The following CNKSR2 variants were observed in gnomAD, a reference collection of about 807,000 sequenced individuals.
CNKSR2 encodes the protein connector enhancer of kinase suppressor of Ras 2, also known as CNK homolog protein 2.
Under a neutral mutation model 84.4 loss-of-function variants are expected in CNKSR2, and 14 were observed. The observed-to-expected ratio is 0.17, with a 90% CI of 0.11 to 0.26. The LOEUF (loss-of-function observed/expected upper bound fraction) is 0.26. Among genes scored for constraint, CNKSR2 ranks in the 10% least tolerant of loss-of-function variants. The pLI is 1.00. For missense variants in CNKSR2, 485 were observed against 771.2 expected, an observed-to-expected ratio of 0.63 and a Z score of 4.40; for synonymous variants, 275 against 277.9, an observed-to-expected ratio of 0.99 and a Z score of 0.10.
chrX:21,479,316 A>G lies in CNKSR2; in HGVS notation c.561+8509A>G, dbSNP rs187289262. On this transcript the variant is annotated intron_variant, in intron 5 of 21. Transcript: ENST00000379510. ...CACACACAGAGACATATATGTACAC[A>G]CATATATATCACATTTTAATCCAGT... Among the ~76,000 whole-genome samples, 551 of 111,835 alleles carry G rather than the reference A, an allele frequency of 4.9e-3. 4 individuals are homozygous for G. Among genetic ancestry groups the G allele is most frequent in the Non-Finnish European group, 6.1e-3 (326 of 53,129 alleles).
intron 1 of CNKSR2, among the ~76,000 whole-genome samples, chrX:21,392,481 T>A (rs111933689): frequency 0.073 from 8,126 of 111,188 alleles, 746 homozygotes; most frequent in African/African-American, 0.25. Context: ...CCTTACGTGG[T>A]TGGAGAAGGA....
At chrX:21,480,363 T>C (rs1009566278) in intron 5 of CNKSR2, among the ~76,000 whole-genome samples, 2 of 112,313 alleles carry the variant, frequency 1.8e-5, no homozygotes, top group Admixed American at 1.9e-4. Flanking sequence ...TATCTAATTA[T>C]AATGAACTGC....
intron 13 of CNKSR2, among the ~76,000 whole-genome samples, chrX:21,574,096 A>G (rs185925401): frequency 4.9e-4 from 55 of 111,638 alleles, no homozygotes; most frequent in African/African-American, 1.5e-3. Flanking sequence ...AGCAAGAGTC[A>G]CCTTTGCTCC....
intron 11 of CNKSR2, among the ~76,000 whole-genome samples, chrX:21,542,405 T>C (rs1174813559): frequency 1.8e-5 from 2 of 112,237 alleles, no homozygotes; most frequent in Non-Finnish European, 1.9e-5. Flanking sequence ...TGGTAAGACA[T>C]TGTAAATTGC....
intron 1 of CNKSR2, among the ~76,000 whole-genome samples, chrX:21,396,999 A>G (rs1025071041): frequency 3.6e-5 from 4 of 111,647 alleles, no homozygotes; most frequent in Non-Finnish European, 7.6e-5. Flanking sequence ...CTCATTAGAA[A>G]TGTTTGTTTT....
chrX:21,522,098 G>A (rs1236646744), intron 9 of CNKSR2, among the ~76,000 whole-genome samples: 1 of 110,963 alleles, frequency 9.0e-6, no homozygotes, highest in Admixed American at 9.6e-5. Flanking sequence ...TTTCTCTGAA[G>A]CATTTGCTTA....
At chrX:21,383,671 A>G (rs1160114644) in intron 1 of CNKSR2, among the ~76,000 whole-genome samples, 1 of 110,637 alleles carries the variant, frequency 9.0e-6, no homozygotes, top group African/African-American at 3.3e-5. Context: ...ATGTTGCTCA[A>G]TATCTTTTTT....
chrX:21,608,092 A>T (rs1181268638), intron 19 of CNKSR2: 1 of 111,488 alleles, frequency 9.0e-6, no homozygotes, highest in Non-Finnish European at 1.9e-5. Context: ...TGTGAATTTC[A>T]AGAAGAAAAC....
At chrX:21,590,859 AC>A in intron 14 of CNKSR2, 162 bp from the exon 15 acceptor site, 1 of 471,891 alleles carries the variant, frequency 2.1e-6, no homozygotes, top group Admixed American at 4.1e-5. Context: ...GATGTGTGTC[AC>A]TTATGTGAGG....
At chrX:21,495,820 A>C (rs1339109502) in intron 6 of CNKSR2, 17 of 96,826 alleles carry the variant, frequency 1.8e-4, no homozygotes, top group African/African-American at 5.1e-4. Context: ...AAAAAAAAAA[A>C]AACACGAAAA....
intron 11 of CNKSR2, among the ~76,000 whole-genome samples, chrX:21,540,740 C>G (rs776107359): frequency 4.2e-4 from 47 of 111,698 alleles, no homozygotes; most frequent in African/African-American, 1.4e-3. Flanking sequence ...CTTCCCAGAT[C>G]ATCTGTTTAC....
rs193034648 is a variant in CNKSR2 at position 21,377,901 on chromosome X, A to T, written c.64+2940A>T. Among the ~76,000 whole-genome samples, 496 of 111,734 alleles carry T rather than the reference A, an allele frequency of 4.4e-3. 5 individuals carry two copies. The highest frequency in any genetic ancestry group is 0.014 in the African/African-American group (440 of 30,831). On this transcript the variant is annotated intron_variant, in intron 1 of 21. Transcript: ENST00000379510. Reference sequence around the variant, plus strand: ...ATTTTTACATTGCAATTTTGATGCAATGTATAAATGGATTCATTTTGATTG... The same window carrying T: ...ATTTTTACATTGCAATTTTGATGCATTGTATAAATGGATTCATTTTGATTG...
chrX:21,630,874 T>C (rs905837985), intron 20 of CNKSR2, among the ~76,000 whole-genome samples: 1 of 111,526 alleles, frequency 9.0e-6, no homozygotes, highest in Middle Eastern at 4.6e-3. Context: ...TTATAATTAG[T>C]GTACTTTCCA....
intron 13 of CNKSR2, among the ~76,000 whole-genome samples, chrX:21,579,455 G>A (rs953398541): frequency 1.8e-5 from 2 of 111,421 alleles, no homozygotes; most frequent in African/African-American, 6.5e-5. Flanking sequence ...ACCTCTATGA[G>A]AGTACCATCT....
chrX:21,621,216 T>C (rs754976228), intron 20 of CNKSR2, among the ~76,000 whole-genome samples: 7 of 111,483 alleles, frequency 6.3e-5, no homozygotes, highest in Non-Finnish European at 1.3e-4. Context: ...ATTGGAACTA[T>C]TACAGTGATC....
At chrX:21,463,583 T>C (rs2091088900) in intron 4 of CNKSR2, among the ~76,000 whole-genome samples, 1 of 111,590 alleles carries the variant, frequency 9.0e-6, no homozygotes, top group Admixed American at 9.6e-5. Flanking sequence ...GGAATTTATC[T>C]ATGATTTTCC....
At chrX:21,485,849 C>T (rs1346177008) in intron 5 of CNKSR2, among the ~76,000 whole-genome samples, 1 of 111,985 alleles carries the variant, frequency 8.9e-6, no homozygotes, top group Non-Finnish European at 1.9e-5. Context: ...TAAAATACCT[C>T]GGGGGCTGGG....
rs758137565 is a variant in CNKSR2, at chrX:21,469,604, A to C, written c.520-1162A>C. ...TAATTTTATTTTTTGAAGTAAAGTT[A>C]GTTTTTTAAAGTTAAAATAGCAATG... On this transcript the variant is annotated intron_variant, in intron 4 of 21. Coordinates refer to ENST00000379510, the MANE Select transcript of CNKSR2 (RefSeq NM_014927.5). Among the ~76,000 whole-genome samples the C allele has an allele frequency of 2.1e-3, 228 of 110,626 alleles. 2 individuals are homozygous for C. Among genetic ancestry groups the C allele is most frequent in the Non-Finnish European group, 2.0e-3 (104 of 52,896 alleles).
rs764969671 is a variant in CNKSR2, at chrX:21,410,792, G to C, written c.65-15705G>C. On this transcript the variant is annotated intron_variant, in intron 1 of 21. Coordinates refer to ENST00000379510, the MANE Select transcript of CNKSR2 (RefSeq NM_014927.5). ...AAAAATTCTAAAGCACCAAAGGATTGTGTGTGTGTGTGTGTGTGTGTGTGT... is the reference window on the plus strand; with the variant it reads ...AAAAATTCTAAAGCACCAAAGGATTCTGTGTGTGTGTGTGTGTGTGTGTGT... Among the ~76,000 whole-genome samples the C allele has an allele frequency of 1.2e-3, 124 of 104,212 alleles. 2 individuals are homozygous for C. The highest frequency in any genetic ancestry group is 4.2e-3 in the African/African-American group (118 of 27,830). The allele number at this position is 104,212 out of a possible 115,157, so 90.5% of individuals were successfully genotyped here. A position where few individuals can be genotyped will look rare whatever the true frequency, so the allele number is the denominator to read the frequency against.
Sources: allele counts gnomAD v4.1 joint callset (sites outside exome capture counted in the v4.1 genomes callset), GRCh38; gene constraint gnomAD v4.1.1; transcripts MANE v1.5; gene names NCBI Gene and HGNC (gene_info 2026-07-23, HGNC 2026-07-21).